GABRA2: variants seen among roughly 807,000 people sequenced by gnomAD.
The protein encoded by GABRA2 is gamma-aminobutyric acid receptor subunit alpha-2.
A neutral mutation model predicts 48.7 loss-of-function variants in GABRA2; 16 were observed. That is an observed-to-expected ratio of 0.33 (90% CI 0.22 to 0.50). The LOEUF is 0.50. Among genes scored for constraint, GABRA2 ranks in the 20% least tolerant of loss-of-function variants. The pLI, the probability that GABRA2 is intolerant of heterozygous loss-of-function variation, is 0.98. For synonymous variants in GABRA2, 185 were observed against 184.5 expected (o/e 1.00, Z -0.02); for missense variants, 275 against 535.6 (o/e 0.51, Z 4.80).
intron 3 of GABRA2, among the ~76,000 whole-genome samples, chr4:46,382,096 G>A (rs1262502577): frequency 6.6e-6 from 1 of 151,726 alleles, no homozygotes; most frequent in African/African-American, 2.4e-5. Context: ...AAAAATCCCT[G>A]ACCTCATAGA....
At chr4:46,254,104 A>G (rs1033516099) in intron 9 of GABRA2, among the ~76,000 whole-genome samples, 1 of 151,480 alleles carries the variant, frequency 6.6e-6, no homozygotes, top group Non-Finnish European at 1.5e-5. Context: ...GTCCCAAAGA[A>G]TATCCATACC....
chr4:46,354,462 T>G (rs956995453), intron 3 of GABRA2, among the ~76,000 whole-genome samples: 2 of 152,150 alleles, frequency 1.3e-5, no homozygotes, highest in Non-Finnish European at 2.9e-5. Flanking sequence ...GCTCATAATA[T>G]CTATAGAAAA....
At chr4:46,315,448 T>C (rs544361736) in intron 4 of GABRA2, among the ~76,000 whole-genome samples, 2 of 152,090 alleles carry the variant, frequency 1.3e-5, no homozygotes, top group South Asian at 4.1e-4. Flanking sequence ...CTAACATAGT[T>C]TGAGTCTTTT....
chr4:46,266,141 T>C (rs539775482), intron 8 of GABRA2, among the ~76,000 whole-genome samples: 1 of 151,908 alleles, frequency 6.6e-6, no homozygotes, highest in South Asian at 2.1e-4. Context: ...TTCTGCTTTT[T>C]ATGACCAGAG....
intron 3 of GABRA2, among the ~76,000 whole-genome samples, chr4:46,344,682 A>G (rs192977259): frequency 6.6e-6 from 1 of 151,960 alleles, no homozygotes; most frequent in Admixed American, 6.6e-5. Context: ...CATTAACTAA[A>G]GGGGATTGGC....
At chr4:46,377,871 C>A (rs1425208809) in intron 3 of GABRA2, among the ~76,000 whole-genome samples, 1 of 150,584 alleles carries the variant, frequency 6.6e-6, no homozygotes, top group Non-Finnish European at 1.5e-5. Flanking sequence ...GGGGTCAGCC[C>A]CCCGCCCAGC....
intron 3 of GABRA2, among the ~76,000 whole-genome samples, chr4:46,355,228 A>G (rs1303429333): frequency 2.0e-5 from 3 of 152,144 alleles, no homozygotes; most frequent in Non-Finnish European, 4.4e-5. Context: ...AATAGTCCTT[A>G]TAATTGTAAT....
intron 3 of GABRA2, among the ~76,000 whole-genome samples, chr4:46,344,167 A>G (rs182728466): frequency 7.2e-4 from 110 of 152,176 alleles, no homozygotes; most frequent in Admixed American, 7.1e-3. Flanking sequence ...AAATGAAAGT[A>G]AGCCAGGAAA....
intron 8 of GABRA2, among the ~76,000 whole-genome samples, chr4:46,277,516 CACTT>C (rs1720725399): frequency 6.6e-6 from 1 of 152,192 alleles, no homozygotes; most frequent in South Asian, 2.1e-4. Context: ...GCCACCTTCT[CACTT>C]ACTTTTCCAA....
At chr4:46,310,360 G>A (rs1727431040) in intron 5 of GABRA2, 105 bp from the exon 6 acceptor site, 9 of 665,228 alleles carry the variant, frequency 1.4e-5, no homozygotes, top group Non-Finnish European at 2.4e-5. Context: ...ATTAATCACA[G>A]CAGTAGGCTC....
At chr4:46,307,989 A>T (rs1238357987) in intron 6 of GABRA2, among the ~76,000 whole-genome samples, 1 of 152,178 alleles carries the variant, frequency 6.6e-6, no homozygotes, top group Non-Finnish European at 1.5e-5. Context: ...AAAATTCATT[A>T]TAAATTCCAC....
intron 1 of GABRA2, 126 bp downstream of exon 1, chr4:46,389,609 G>T: frequency 4.0e-6 from 2 of 504,652 alleles, no homozygotes; most frequent in East Asian, 1.5e-4. Flanking sequence ...GGAGGGAGGT[G>T]CGGGAATTGA....
intron 8 of GABRA2, among the ~76,000 whole-genome samples, chr4:46,276,866 G>A (rs556320308): frequency 6.6e-6 from 1 of 151,864 alleles, no homozygotes; most frequent in African/African-American, 2.4e-5. Flanking sequence ...GGAATATAAA[G>A]GGTATTAAAT....
rs1282353818 is a variant in GABRA2, at chr4:46,388,893, C to T, written c.-10-177G>A. 5 of 1,336,260 alleles carry T rather than the reference C, an allele frequency of 3.7e-6. No individual in the cohort carries two copies. The East Asian group carries it at 1.5e-4, about 39-fold the overall frequency. 82.8% of individuals were successfully genotyped at this position (1,336,260 alleles called of 1,614,324 possible). A position where few individuals can be genotyped will look rare whatever the true frequency, so the allele number is the denominator to read the frequency against. ...GAGAGACGATTTCTTTTTTATGGAC[C>T]CCCACCCCCACCCTTTTCCTTTCTG... On this transcript the variant is annotated intron_variant, in intron 1 of 9. Coordinates refer to ENST00000381620, the MANE Select transcript of GABRA2 (RefSeq NM_000807.4).
In GABRA2 at chr4:46,389,801, G is replaced by GC. The variant is rs1487839723; in HGVS notation, c.-78_-77insG. 1.2e-6 allele frequency: 1 copy of GC among 861,538 alleles called. No individual in the cohort carries two copies. Among genetic ancestry groups the GC allele is most frequent in the Non-Finnish European group, 1.4e-6 (1 of 739,332 alleles). The allele number at this position is 861,538 out of a possible 1,614,324, so 53.4% of individuals were successfully genotyped here. ...CTGATCTTGACGAGATAGGAAACTT[G>GC]GGAGAGAGAGAGAGAGAGAGAGAGA... On this transcript the variant is annotated 5_prime_UTR_variant, in exon 1 of 10. Transcript: ENST00000381620.
At chr4:46,331,372 A>G (rs1382896539) in intron 4 of GABRA2, among the ~76,000 whole-genome samples, 1 of 152,186 alleles carries the variant, frequency 6.6e-6, no homozygotes, top group African/African-American at 2.4e-5. Flanking sequence ...TGATGGAATA[A>G]ACAGCATATT....
At chr4:46,277,439 TGCCCTGTA>T (rs1720711245) in intron 8 of GABRA2, among the ~76,000 whole-genome samples, 1 of 152,200 alleles carries the variant, frequency 6.6e-6, no homozygotes, top group South Asian at 2.1e-4. Flanking sequence ...AATGAGTTTC[TGCCCTGTA>T]CAGGTTATGT....
intron 3 of GABRA2, among the ~76,000 whole-genome samples, chr4:46,356,530 C>T (rs572290612): frequency 6.6e-6 from 1 of 151,816 alleles, no homozygotes; most frequent in Non-Finnish European, 1.5e-5. Context: ...TTACAGGGTG[C>T]ATGGCAGCTG....
chr4:46,302,318 C>T, intron 8 of GABRA2, among the ~76,000 whole-genome samples: 1 of 152,046 alleles, frequency 6.6e-6, no homozygotes, highest in East Asian at 1.9e-4. Context: ...TTCTTGGCCT[C>T]CAACGTGCTA....
Sources: allele counts gnomAD v4.1 joint callset (sites outside exome capture counted in the v4.1 genomes callset), GRCh38; gene constraint gnomAD v4.1.1; transcripts MANE v1.5; gene names NCBI Gene and HGNC (gene_info 2026-07-23, HGNC 2026-07-21).